Variants in PCID2 observed in about 807,000 individuals in gnomAD.
The protein encoded by PCID2 is PCI domain-containing protein 2.
PCID2 carries 41 observed loss-of-function variants against 61.3 expected under a neutral mutation model. The observed-to-expected ratio is 0.67, with a 90% CI of 0.52 to 0.87. PCID2 has a LOEUF of 0.87. Among genes scored for constraint, PCID2 ranks in the 40% least tolerant of loss-of-function variants. The probability of loss-of-function intolerance (pLI) is 0.00; values close to 1 mark genes in which losing one functional copy is unlikely to be tolerated. For missense variants in PCID2, 392 were observed against 493.4 expected, an observed-to-expected ratio of 0.79 and a Z score of 1.95; for synonymous variants, 187 against 177.8, an observed-to-expected ratio of 1.05 and a Z score of -0.41.
At position 113,198,067 on chromosome 13, in the gene PCID2, C is replaced by T. The variant is rs1048934694; in HGVS notation, c.200+124G>A. On this transcript the variant is annotated intron_variant, in intron 3 of 13. Transcript: ENST00000337344. Reference sequence around the variant, plus strand: ...CTTTACCAAACTGAAGTTACAAATGCATTTTCCCACTTTTTCAAAGTCAGT... The same window carrying T: ...CTTTACCAAACTGAAGTTACAAATGTATTTTCCCACTTTTTCAAAGTCAGT... The T allele has an allele frequency of 1.3e-5, 9 of 675,572 alleles. No homozygotes were observed. In the African/African-American group the frequency reaches 1.5e-4, roughly 11 times the overall value. 41.8% of individuals were successfully genotyped at this position (675,572 alleles called of 1,614,324 possible).
At chr13:113,165,048 T>C in the PCID2 span, 1 of 1,613,326 alleles carries the variant, frequency 6.2e-7, no homozygotes, top group Non-Finnish European at 8.5e-7. Context: ...CTGCCGCAAA[T>C]GCAGACCAGT....
intron 7 of PCID2, among the ~76,000 whole-genome samples, chr13:113,190,247 A>G (rs76781394): frequency 6.6e-6 from 1 of 151,164 alleles, no homozygotes; most frequent in African/African-American, 2.4e-5. Flanking sequence ...AAAAAAAAAA[A>G]CCAACTATGC....
intron 1 of PCID2, chr13:113,208,098 G>A: frequency 1.9e-6 from 3 of 1,612,212 alleles, no homozygotes; most frequent in Non-Finnish European, 1.7e-6. Flanking sequence ...AGAGTGAAGG[G>A]CGTTAAACGA....
At chr13:113,193,019 C>T (rs965791775) in intron 6 of PCID2, among the ~76,000 whole-genome samples, 2 of 152,136 alleles carry the variant, frequency 1.3e-5, no homozygotes, top group African/African-American at 4.8e-5. Context: ...ATCTGGACCT[C>T]CCTGCCTGAC....
chr13:113,203,779 C>A (rs1595274526), intron 1 of PCID2, among the ~76,000 whole-genome samples: 1 of 152,202 alleles, frequency 6.6e-6, no homozygotes, highest in Non-Finnish European at 1.5e-5. Context: ...CTTGGCCAGG[C>A]AGGCACACTG....
the PCID2 span, chr13:113,165,017 C>T: frequency 1.1e-3 from 1,762 of 1,606,088 alleles, 23 homozygotes; most frequent in African/African-American, 0.021. Context: ...TGAGAAGGCG[C>T]TGATTTTTAT....
In PCID2 at chr13:113,196,078, C is replaced by G. The variant is rs1747644803; in HGVS notation, c.308+103G>C. 3.7e-6 allele frequency: 3 copies of G among 815,152 alleles called. No homozygotes were observed. The African/African-American group carries it at 5.0e-5, about 14-fold the overall frequency. 50.5% of individuals were successfully genotyped at this position (815,152 alleles called of 1,614,324 possible). ...TGTCAACACACTGATTACCAAATAT[C>G]CACATGGAAAATACAATACACATTT... is the stretch of plus-strand genomic sequence containing the variant. On this transcript the variant is annotated intron_variant, in intron 5 of 13. Transcript: ENST00000337344.
chr13:113,174,740 TC>T (rs1206847280), downstream of PCID2, among the ~76,000 whole-genome samples: 1 of 152,216 alleles, frequency 6.6e-6, no homozygotes, highest in Non-Finnish European at 1.5e-5. Context: ...GGCCTCAGCC[TC>T]CCAAAGTGCT....
chr13:113,172,021 G>A, the PCID2 span: 12 of 1,613,006 alleles, frequency 7.4e-6, no homozygotes, highest in South Asian at 2.2e-5. Flanking sequence ...TCCTGGGCTC[G>A]CAGCCAGTAG....
At chr13:113,172,180 C>T in the PCID2 span, 19 of 1,564,102 alleles carry the variant, frequency 1.2e-5, no homozygotes, top group Admixed American at 1.9e-4. Context: ...CTGTGGAGGG[C>T]GCTGAAACTT....
At chr13:113,182,714 T>C (rs553133905) in intron 9 of PCID2, among the ~76,000 whole-genome samples, 9 of 152,222 alleles carry the variant, frequency 5.9e-5, no homozygotes, top group African/African-American at 1.4e-4. Context: ...GGTCTCGATC[T>C]CCTGACCTCG....
chr13:113,172,264 T>C, the PCID2 span: 7 of 1,009,806 alleles, frequency 6.9e-6, no homozygotes, highest in Non-Finnish European at 1.0e-5. Flanking sequence ...CGCCGTTTGC[T>C]GGGTTGTTTA....
At chr13:113,171,179 T>G in the PCID2 span, among the ~76,000 whole-genome samples, 1 of 152,206 alleles carries the variant, frequency 6.6e-6, no homozygotes, top group Non-Finnish European at 1.5e-5. This position sits in a 1 kb window ranked among gnomAD's most constrained non-coding sequence, Gnocchi z 5.1. Context: ...TGCCTCGGCC[T>G]CCCGAAGCGC....
chr13:113,198,672 T>TA (rs2039199645), intron 2 of PCID2, among the ~76,000 whole-genome samples: 1 of 152,198 alleles, frequency 6.6e-6, no homozygotes, highest in Non-Finnish European at 1.5e-5. Flanking sequence ...GCCACTGCAC[T>TA]ACAGCCTGGG....
At chr13:113,205,790 G>A (rs1202072606) in intron 1 of PCID2, among the ~76,000 whole-genome samples, 1 of 152,216 alleles carries the variant, frequency 6.6e-6, no homozygotes, top group Non-Finnish European at 1.5e-5. Flanking sequence ...GAGCACATTA[G>A]CGGTTGACAA....
At chr13:113,180,285 T>G (rs1420304594) in intron 10 of PCID2, 54 bp from the exon 11 acceptor site, 5 of 1,313,548 alleles carry the variant, frequency 3.8e-6, no homozygotes, top group African/African-American at 1.5e-5. Flanking sequence ...AAAATTGTCC[T>G]TGATAAATAT....
chr13:113,196,979 G>A (rs1472248641), intron 4 of PCID2, 199 bp downstream of exon 4: 5 of 1,370,604 alleles, frequency 3.6e-6, no homozygotes, highest in Admixed American at 3.3e-5. Context: ...TCCTTACTAA[G>A]TACTGCACGA....
At chr13:113,207,947 CAG>C in intron 1 of PCID2, 1 of 1,262,186 alleles carries the variant, frequency 7.9e-7, no homozygotes, top group South Asian at 1.2e-5. Context: ...GTTCTGAAGA[CAG>C]GCATAGTTTA....
chr13:113,166,980 A>G, the PCID2 span, among the ~76,000 whole-genome samples: 1 of 152,234 alleles, frequency 6.6e-6, no homozygotes, highest in African/African-American at 2.4e-5. Flanking sequence ...GACAGAGGAC[A>G]CTGACTTAGG....
Sources: gnomAD v4.1 joint callset for allele counts (sites outside exome capture counted in the v4.1 genomes callset) on GRCh38, gnomAD v4.1.1 for gene constraint, Gnocchi (gnomAD v3.1) non-coding constraint, MANE v1.5 for transcripts, NCBI Gene and HGNC (gene_info 2026-07-23, HGNC 2026-07-21) for gene names.